CES5A: variants seen among roughly 807,000 people sequenced by gnomAD.
CES5A encodes carboxylesterase 5A, also known as carboxylesterase 5.
In CES5A, 67 loss-of-function variants were observed where a neutral mutation model predicts 62.9. That is an observed-to-expected ratio of 1.07 (90% confidence interval 0.88 to 1.31). The LOEUF is 1.31. Among genes scored for constraint, CES5A ranks in the 50% most tolerant of loss-of-function variants. CES5A has a pLI of 0.00. For missense variants in CES5A, 748 were observed against 708.5 expected (o/e 1.06, Z -0.63); for synonymous variants, 296 against 280.8 (o/e 1.05, Z -0.54).
chr16:55,926,885 C>T (rs1213942634), upstream of CES5A, among the ~76,000 whole-genome samples: 1 of 152,210 alleles, frequency 6.6e-6, no homozygotes, highest in African/African-American at 2.4e-5. Flanking sequence ...ACATCCACCT[C>T]TTAGTAGCCA....
intron 4 of CES5A, among the ~76,000 whole-genome samples, chr16:55,869,150 G>A (rs141137752): frequency 1.1e-3 from 171 of 152,338 alleles, no homozygotes; most frequent in Middle Eastern, 3.4e-3. Flanking sequence ...GCCCCAGCTC[G>A]CTTGCAGCTG....
In CES5A at chr16:55,854,544, C is replaced by CTTTTTTTTTT. The variant is rs56017491; in HGVS notation, c.1126-1526_1126-1517dup. 9.0e-3 allele frequency among the ~76,000 whole-genome samples: 582 copies of CTTTTTTTTTT among 64,354 alleles called. 114 individuals carry two copies. Among genetic ancestry groups the CTTTTTTTTTT allele is most frequent in the African/African-American group, 0.037 (525 of 14,266 alleles). The allele number at this position is 64,354 out of a possible 152,430, so 42.2% of individuals were successfully genotyped here. A position where few individuals can be genotyped will look rare whatever the true frequency, so the allele number is the denominator to read the frequency against. On this transcript the variant is annotated intron_variant, in intron 9 of 12. Transcript: ENST00000290567. ...CCTGTAGTGTTTCTTTTTTTTTTTT[C>CTTTTTTTTTT]TTTTTTTTTTTTTGAGACAGAGTCT...
upstream of CES5A, among the ~76,000 whole-genome samples, chr16:55,929,370 A>T (rs2034287229): frequency 6.6e-6 from 1 of 152,128 alleles, no homozygotes; most frequent in Admixed American, 6.5e-5. Context: ...CCCCCTCCTC[A>T]GAATCCCCAG....
At position 55,944,127 on chromosome 16, in the gene CES5A, C is replaced by T; in HGVS notation, c.160+5658G>A. 4.3e-6 allele frequency: 3 copies of T among 702,004 alleles called. No individual in the cohort carries two copies. The South Asian group carries it at 4.4e-5, about 10-fold the overall frequency. 43.5% of individuals were successfully genotyped at this position (702,004 alleles called of 1,614,324 possible). A position where few individuals can be genotyped will look rare whatever the true frequency, so the allele number is the denominator to read the frequency against. On this transcript the variant is annotated intron_variant, in intron 2 of 13. Coordinates refer to the CES5A transcript ENST00000521992. ...TCCAAGGAGACTTCAAGGGATCTGA[C>T]AACCTCTCTGTATTACTTATGGGCT...
intron 2 of CES5A, among the ~76,000 whole-genome samples, chr16:55,949,424 G>C (rs1307003855): frequency 6.6e-6 from 1 of 152,242 alleles, no homozygotes; most frequent in Non-Finnish European, 1.5e-5. Context: ...GCTGCAAGCT[G>C]TACCACTGCC....
intron 2 of CES5A, among the ~76,000 whole-genome samples, chr16:55,947,863 A>T (rs985136995): frequency 6.6e-6 from 1 of 152,082 alleles, no homozygotes; most frequent in Non-Finnish European, 1.5e-5. Flanking sequence ...GGGCCAGGTC[A>T]TAAACAGCCT....
intron 1 of CES5A, among the ~76,000 whole-genome samples, chr16:55,888,096 T>G (rs553789473): frequency 6.6e-6 from 1 of 152,188 alleles, no homozygotes; most frequent in African/African-American, 2.4e-5. Context: ...GCTTACCTGC[T>G]TTTTCTTTTT....
At position 55,884,184 on chromosome 16, in the gene CES5A, A is replaced by T. The variant is rs541149596; in HGVS notation, c.-255-10147T>A. ...CATTCAGCGGTTTCAAGATCTGACAATTGCCACAGATCTGGGAACTGAGCA... is the reference window on the plus strand; with the variant it reads ...CATTCAGCGGTTTCAAGATCTGACATTTGCCACAGATCTGGGAACTGAGCA... On this transcript the variant is annotated intron_variant, in intron 1 of 12. Coordinates refer to the CES5A transcript ENST00000518005. 2.6e-5 allele frequency among the ~76,000 whole-genome samples: 4 copies of T among 152,322 alleles called. No individual in the cohort carries two copies. The East Asian group carries it at 5.8e-4, about 22-fold the overall frequency.
chr16:55,894,238 G>A (rs571686209), intron 1 of CES5A, among the ~76,000 whole-genome samples: 1 of 152,234 alleles, frequency 6.6e-6, no homozygotes, highest in African/African-American at 2.4e-5. Context: ...GCTGGGCGTG[G>A]TGGCTCACAC....
In CES5A at chr16:55,955,164, C is replaced by G. The variant is rs72810559; in HGVS notation, c.42+680G>C. Among the ~76,000 whole-genome samples the G allele has an allele frequency of 4.2e-3, 646 of 152,292 alleles. 5 individuals are homozygous for G. The highest frequency in any genetic ancestry group is 7.1e-3 in the Non-Finnish European group (482 of 68,020). On this transcript the variant is annotated intron_variant, in intron 1 of 13. Coordinates refer to the CES5A transcript ENST00000521992. ...TCAGTGTACACCAAAGAAATCAGAA[C>G]ATGAGAACCGCAAGAGGCTACCAAA...
chr16:55,952,291 A>AAGAAAAAGTGAT (rs1360319024), intron 1 of CES5A, among the ~76,000 whole-genome samples: 3 of 152,158 alleles, frequency 2.0e-5, no homozygotes, highest in African/African-American at 7.2e-5. Context: ...GAAAATTTAT[A>AAGAAAAAGTGAT]GTCTCAAATA....
chr16:55,859,393 T>C (rs747159708), intron 8 of CES5A, among the ~76,000 whole-genome samples, 154 bp downstream of exon 8: 6 of 152,214 alleles, frequency 3.9e-5, no homozygotes, highest in Non-Finnish European at 7.4e-5. Context: ...TCACTTGCCC[T>C]CTTTCAGAGA....
chr16:55,858,306 T>C (rs2033283680), intron 8 of CES5A, among the ~76,000 whole-genome samples: 1 of 152,244 alleles, frequency 6.6e-6, no homozygotes, highest in Non-Finnish European at 1.5e-5. Context: ...CCACTTTAGC[T>C]GCTCTGAGCC....
upstream of CES5A, among the ~76,000 whole-genome samples, chr16:55,878,469 C>T (rs2033721437): frequency 1.3e-5 from 2 of 152,060 alleles, no homozygotes; most frequent in South Asian, 4.1e-4. Context: ...CTCTCACATT[C>T]ATATTAAACC....
chr16:55,898,687 C>T (rs2033959270), intron 1 of CES5A, among the ~76,000 whole-genome samples: 1 of 152,166 alleles, frequency 6.6e-6, no homozygotes, highest in Non-Finnish European at 1.5e-5. Flanking sequence ...GGGATGCATC[C>T]CTAGGAGGCA....
At chr16:55,887,269 G>T (rs1164883087) in intron 1 of CES5A, among the ~76,000 whole-genome samples, 1 of 151,590 alleles carries the variant, frequency 6.6e-6, no homozygotes, top group Admixed American at 6.6e-5. Flanking sequence ...GGGGGTGGAG[G>T]GATGCTTCCA....
intron 1 of CES5A, among the ~76,000 whole-genome samples, chr16:55,881,390 G>T (rs532977922): frequency 6.6e-6 from 1 of 152,322 alleles, no homozygotes; most frequent in South Asian, 2.1e-4. Flanking sequence ...ATGCATGGAG[G>T]TTGGTCTTGA....
chr16:55,894,498 CA>C (rs370359945), intron 1 of CES5A, among the ~76,000 whole-genome samples: 53 of 102,964 alleles, frequency 5.1e-4, no homozygotes, highest in African/African-American at 9.7e-4. Context: ...AACTCTGTCT[CA>C]AAAAAAAAAA....
chr16:55,855,686 G>A (rs1189201437), intron 9 of CES5A, among the ~76,000 whole-genome samples: 1 of 152,198 alleles, frequency 6.6e-6, no homozygotes, highest in Non-Finnish European at 1.5e-5. Context: ...GAATAAATGT[G>A]TGGGAACAAA....
Sources: gnomAD v4.1 joint callset for allele counts (sites outside exome capture counted in the v4.1 genomes callset) on GRCh38, gnomAD v4.1.1 for gene constraint, MANE v1.5 for transcripts, NCBI Gene and HGNC (gene_info 2026-07-23, HGNC 2026-07-21) for gene names.